The following HMG20A variants were observed in gnomAD, a reference collection of about 807,000 sequenced individuals.
HMG20A encodes high mobility group protein 20A.
In HMG20A, 17 loss-of-function variants were observed where a neutral mutation model predicts 43.9. That is an observed-to-expected ratio of 0.39 (90% CI 0.27 to 0.58). The LOEUF (loss-of-function observed/expected upper bound fraction) is 0.58, where lower values mean the gene tolerates loss of function less well. Ranked by LOEUF, HMG20A falls within the 20% of genes least tolerant of loss-of-function variation. The pLI is 0.59. For missense variants in HMG20A, 341 were observed against 438.2 expected (o/e 0.78, Z 1.98); for synonymous variants, 132 against 147.5 (o/e 0.89, Z 0.76).
chr15:77,516,512 G>T, the HMG20A span, among the ~76,000 whole-genome samples: 3 of 152,142 alleles, frequency 2.0e-5, no homozygotes, highest in Admixed American at 2.0e-4. Flanking sequence ...CCTCTAGGAT[G>T]CGATGAGGTC....
rs141417839 is a variant in HMG20A, at chr15:77,468,597, T to TCACACACACACA, written c.450+1308_450+1319dup. Among the ~76,000 whole-genome samples the TCACACACACACA allele has an allele frequency of 3.1e-3, 461 of 147,804 alleles. 1 individual carries two copies. The highest frequency in any genetic ancestry group is 4.8e-3 in the Admixed American group (72 of 14,862). ...TTCTCTCTCTCTCTCTCTCTCTCTG[T>TCACACACACACA]CACACACACACACACACACACACAC... is the stretch of plus-strand genomic sequence containing the variant. On this transcript the variant is annotated intron_variant, in intron 4 of 9. Transcript: ENST00000336216.
the HMG20A span, among the ~76,000 whole-genome samples, chr15:77,503,423 C>T: frequency 6.6e-6 from 1 of 152,198 alleles, no homozygotes; most frequent in Non-Finnish European, 1.5e-5. Context: ...ACCTGAGGAT[C>T]CTGTTTTTCC....
At chr15:77,475,267 C>A (rs148058093) in intron 6 of HMG20A, among the ~76,000 whole-genome samples, 75 of 152,282 alleles carry the variant, frequency 4.9e-4, no homozygotes, top group African/African-American at 1.7e-3. Flanking sequence ...TACCACTCTT[C>A]CATTAAGTAG....
rs760916021 is a variant in HMG20A at position 77,467,235 on chromosome 15, A to T, written c.378A>T (p.Pro126=). 6.2e-6 allele frequency: 10 copies of T among 1,614,080 alleles called. No homozygotes were observed. Among genetic ancestry groups the T allele is most frequent in the Non-Finnish European group, 7.6e-6 (9 of 1,180,024 alleles). ...GAGAACAACTTCGAGCAAAGAGACC[A>T]GAAGTCCCATTTCCAGAAATCACAA... ...ERREQLRAKR[P]EVPFPEITRM... Residue 126 remains proline, a synonymous_variant, in exon 4 of 10, where the codon CCA becomes CCT. Transcript: ENST00000336216.
chr15:77,496,475 A>G, the HMG20A span, among the ~76,000 whole-genome samples: 3 of 152,208 alleles, frequency 2.0e-5, no homozygotes, highest in African/African-American at 7.2e-5. Context: ...CATTGTTTGC[A>G]CATACCTTTG....
At chr15:77,515,587 G>A in the HMG20A span, among the ~76,000 whole-genome samples, 1 of 152,010 alleles carries the variant, frequency 6.6e-6, no homozygotes, top group South Asian at 2.1e-4. Flanking sequence ...ACCATGCCTC[G>A]CCTGAAAACT....
chr15:77,503,451 G>T, the HMG20A span, among the ~76,000 whole-genome samples: 1 of 152,146 alleles, frequency 6.6e-6, no homozygotes, highest in Non-Finnish European at 1.5e-5. Flanking sequence ...CCTCAGGGTG[G>T]TGAAAATTCC....
intron 1 of HMG20A, among the ~76,000 whole-genome samples, chr15:77,444,646 G>A (rs555382365): frequency 6.6e-6 from 1 of 152,220 alleles, no homozygotes; most frequent in African/African-American, 2.4e-5. Flanking sequence ...GTTTTATCAT[G>A]TTGAGTAGGT....
chr15:77,486,324 G>C (rs978968784), downstream of HMG20A, among the ~76,000 whole-genome samples: 1 of 146,808 alleles, frequency 6.8e-6, no homozygotes, highest in Non-Finnish European at 1.5e-5. Flanking sequence ...GCAGTGGCAC[G>C]ATCTCCGCTC....
the HMG20A span, among the ~76,000 whole-genome samples, chr15:77,512,071 C>T: frequency 1.3e-5 from 2 of 152,302 alleles, no homozygotes; most frequent in Admixed American, 1.3e-4. Flanking sequence ...TGGAATATTA[C>T]TCAGTCTTAA....
the HMG20A span, among the ~76,000 whole-genome samples, chr15:77,496,107 C>T: frequency 2.6e-5 from 4 of 152,134 alleles, no homozygotes; most frequent in East Asian, 1.9e-4. Flanking sequence ...CCTGCTTGCC[C>T]GGGTCTGCCT....
chr15:77,512,738 A>G, the HMG20A span, among the ~76,000 whole-genome samples: 1 of 152,076 alleles, frequency 6.6e-6, no homozygotes, highest in African/African-American at 2.4e-5. Context: ...GAGAAACAGG[A>G]TATTTACCTA....
rs1198304325 is a variant in HMG20A at position 77,478,275 on chromosome 15, T to C, written c.692-20T>C. ...ACTCCTTCTAGTGCTGCATGTGTTC[T>C]GTGGGATGTATGTCCTCAGCTCGGG... On this transcript the variant is annotated intron_variant, in intron 7 of 9. Transcript: ENST00000336216. The C allele has an allele frequency of 3.7e-6, 6 of 1,612,084 alleles. No homozygotes were observed. The highest frequency in any genetic ancestry group is 1.3e-5 in the African/African-American group (1 of 74,872).
chr15:77,431,461 C>T (rs2142275532), intron 1 of HMG20A, among the ~76,000 whole-genome samples: 1 of 152,306 alleles, frequency 6.6e-6, no homozygotes, highest in Non-Finnish European at 1.5e-5. Flanking sequence ...ATTTGCCTGC[C>T]TTGGCCTTCC....
chr15:77,468,247 T>C (rs2072774175), intron 4 of HMG20A, among the ~76,000 whole-genome samples: 1 of 152,226 alleles, frequency 6.6e-6, no homozygotes, highest in East Asian at 1.9e-4. Context: ...TTCTTTTTTT[T>C]CTTTATTTTA....
the HMG20A span, among the ~76,000 whole-genome samples, chr15:77,519,105 A>G: frequency 6.6e-6 from 1 of 152,184 alleles, no homozygotes; most frequent in Non-Finnish European, 1.5e-5. Context: ...GGGTCCATCC[A>G]TTGTCCCTTC....
intron 1 of HMG20A, among the ~76,000 whole-genome samples, chr15:77,422,593 G>A (rs1406850977): frequency 6.6e-6 from 1 of 152,164 alleles, no homozygotes; most frequent in Non-Finnish European, 1.5e-5. Context: ...TCCAGCCTGG[G>A]CGACAGTGAG....
At chr15:77,444,359 C>T (rs1470951122) in intron 1 of HMG20A, among the ~76,000 whole-genome samples, 2 of 152,090 alleles carry the variant, frequency 1.3e-5, no homozygotes, top group African/African-American at 4.8e-5. Flanking sequence ...TGGACTTAGT[C>T]CTTCCTTCCT....
chr15:77,506,433 C>T, the HMG20A span, among the ~76,000 whole-genome samples: 2 of 152,194 alleles, frequency 1.3e-5, no homozygotes, highest in Non-Finnish European at 2.9e-5. Flanking sequence ...TGCGTTCTCC[C>T]CGCAGGGTGA....
Sources: allele counts gnomAD v4.1 joint callset (sites outside exome capture counted in the v4.1 genomes callset), GRCh38; gene constraint gnomAD v4.1.1; transcripts MANE v1.5; gene names NCBI Gene and HGNC (gene_info 2026-07-23, HGNC 2026-07-21).